SSC5D: variants seen among roughly 807,000 people sequenced by gnomAD.
SSC5D encodes the protein scavenger receptor cysteine rich family member with 5 domains, also known as soluble scavenger receptor cysteine-rich domain-containing protein SSC5D.
Under a neutral mutation model 104.6 loss-of-function variants are expected in SSC5D, and 106 were observed. The observed-to-expected ratio is 1.01, with a 90% CI of 0.87 to 1.19. The LOEUF is 1.19. Among genes scored for constraint, SSC5D ranks in the 50% most tolerant of loss-of-function variants. SSC5D has a pLI of 0.00. For synonymous variants in SSC5D, 860 were observed against 883.5 expected (o/e 0.97, Z 0.47); for missense variants, 1,993 against 2,153.8 (o/e 0.93, Z 1.48).
chr19:55,504,270 CCCGTAG>C, intron 12 of SSC5D: 1 of 1,503,680 alleles, frequency 6.7e-7, no homozygotes, highest in African/African-American at 1.4e-5. Context: ...CGGGACCCCT[CCCGTAG>C]GGTAGGGAGG....
intron 12 of SSC5D, 115 bp from the exon 13 acceptor site, chr19:55,512,896 G>A (rs1449045390): frequency 7.9e-6 from 10 of 1,270,380 alleles, no homozygotes; most frequent in East Asian, 5.1e-5. Context: ...CTGCAGTGGC[G>A]GTGCAGTTGA....
In SSC5D at chr19:55,500,426, A is replaced by G; in HGVS notation, c.2302+14A>G. ...CTGGGGAATCAGGTGAGTGGCCGTG[A>G]GGGGTGTGGGGAGAGAATGGGAGAG... is the stretch of plus-strand genomic sequence containing the variant. On this transcript the variant is annotated intron_variant, in intron 10 of 13. Transcript: ENST00000389623. The surrounding 1 kb of genome is among the most constrained non-coding windows in gnomAD (Gnocchi z 4.6). The G allele has an allele frequency of 6.5e-7, 1 of 1,549,442 alleles. No individual in the cohort carries two copies.
chr19:55,517,736 A>G lies in SSC5D; in HGVS notation c.3460A>G (p.Thr1154Ala). 1 of 1,539,316 alleles carries G rather than the reference A, an allele frequency of 6.5e-7. No individual in the cohort carries two copies. Among genetic ancestry groups the G allele is most frequent in the Non-Finnish European group, 8.7e-7 (1 of 1,143,324 alleles). The change falls in exon 14 of 14, where the codon ACC becomes GCC. Residue 1154 changes from threonine to alanine, a missense_variant. This residue lies in a region of SSC5D where 30 missense variants were observed against 52.4 expected (regional missense o/e 0.57). Transcript: ENST00000389623. ...CTCCCCAAGCCCTCACCCCACTACT[A>G]CCCCTGATCCCACCATGGCCCCTGA... ...DPSPSPHPTT[T>A]PDPTMAPDPI...
At chr19:55,513,523 T>C (rs572098272) in intron 13 of SSC5D, among the ~76,000 whole-genome samples, 113 of 152,232 alleles carry the variant, frequency 7.4e-4, no homozygotes, top group African/African-American at 2.7e-3. Context: ...GAGGCTGTGG[T>C]TGTGCCACTG....
In SSC5D at chr19:55,500,518, G is replaced by A; in HGVS notation, c.2331G>A (p.Gly777=). ...SGLFRVRLAD[G]PNRCAGRLEV... ...TGTTCCGGGTTCGTCTGGCCGATGG[G>A]CCCAACCGCTGTGCTGGCCGGCTGG... is the stretch of plus-strand genomic sequence containing the variant. Residue 777 remains glycine, a synonymous_variant, in exon 11 of 14, where the codon GGG becomes GGA. Transcript: ENST00000389623. This position sits in a 1 kb window ranked among gnomAD's most constrained non-coding sequence, Gnocchi z 4.6. The A allele has an allele frequency of 1.3e-6, 2 of 1,551,690 alleles. No individual in the cohort carries two copies. Among genetic ancestry groups the A allele is most frequent in the East Asian group, 2.4e-5 (1 of 40,926 alleles).
At chr19:55,499,330 T>C (rs965443173) in intron 9 of SSC5D, among the ~76,000 whole-genome samples, 1 of 152,202 alleles carries the variant, frequency 6.6e-6, no homozygotes, top group African/African-American at 2.4e-5. Context: ...AGGCATCACC[T>C]CTGCTGGAAG....
At chr19:55,514,972 A>G (rs1335830140) in intron 13 of SSC5D, among the ~76,000 whole-genome samples, 1 of 152,178 alleles carries the variant, frequency 6.6e-6, no homozygotes, top group Non-Finnish European at 1.5e-5. Flanking sequence ...GCCTGCCTTG[A>G]GCACAAGCCC....
intron 2 of SSC5D, 59 bp downstream of exon 2, chr19:55,489,091 C>G (rs1330001804): frequency 5.0e-6 from 5 of 1,008,674 alleles, no homozygotes; most frequent in Non-Finnish European, 6.8e-6. Flanking sequence ...CCCCTTCTGC[C>G]CATCCAGGCC....
chr19:55,502,860 G>A (rs548351489), intron 12 of SSC5D, among the ~76,000 whole-genome samples: 1 of 152,134 alleles, frequency 6.6e-6, no homozygotes, highest in African/African-American at 2.4e-5. Flanking sequence ...GTGTTGCCCA[G>A]GCTGGAGTGC....
In SSC5D at chr19:55,493,764, G is replaced by C. The variant is rs545414395; in HGVS notation, c.1065G>C (p.Gly355=). ...LGCGGALAAP[G]GAFFGEGSGP... ...GCGGAGGGGCGCTGGCCGCCCCCGG[G>C]GGCGCCTTCTTTGGGGAGGGGTCTG... The change falls in exon 7 of 14, where the codon GGG becomes GGC. Residue 355 remains glycine (G), a synonymous_variant. Coordinates refer to ENST00000389623, the MANE Select transcript of SSC5D (RefSeq NM_001144950.2). The C allele has an allele frequency of 6.5e-7, 1 of 1,530,994 alleles. No individual in the cohort carries two copies. Among genetic ancestry groups the C allele is most frequent in the African/African-American group, 1.4e-5 (1 of 71,826 alleles). The allele number at this position is 1,530,994 out of a possible 1,614,324, so 94.8% of individuals were successfully genotyped here.
In SSC5D at chr19:55,490,821, G is replaced by A. The variant is rs376228247; in HGVS notation, c.636G>A (p.Glu212=). Residue 212 remains glutamate, a synonymous_variant, in exon 6 of 14, where the codon GAG becomes GAA. Coordinates refer to ENST00000389623, the MANE Select transcript of SSC5D (RefSeq NM_001144950.2). ...SGPHRCAGRL[E]VWHGGRWGTV... Reference sequence around the variant, plus strand: ...CCCACAGGTGCGCCGGACGCCTGGAGGTCTGGCACGGCGGGCGCTGGGGCA... The same window carrying A: ...CCCACAGGTGCGCCGGACGCCTGGAAGTCTGGCACGGCGGGCGCTGGGGCA... 3 of 1,547,086 alleles carry A rather than the reference G, an allele frequency of 1.9e-6. No individual in the cohort carries two copies. The highest frequency in any genetic ancestry group is 2.4e-5 in the East Asian group (1 of 40,876).
chr19:55,514,404 CAA>C (rs1987822164), intron 13 of SSC5D, among the ~76,000 whole-genome samples: 1 of 106,130 alleles, frequency 9.4e-6, no homozygotes, highest in Non-Finnish European at 1.9e-5. Flanking sequence ...GACTCTGTCT[CAA>C]AATAATAATA....
rs756221528 is a variant in SSC5D at position 55,488,585 on chromosome 19, C to CA, written c.-3dup. 90 of 1,550,294 alleles carry CA rather than the reference C, an allele frequency of 5.8e-5. 1 individual carries two copies. The South Asian group carries it at 1.0e-3, about 18-fold the overall frequency. On this transcript the variant is annotated 5_prime_UTR_variant, in exon 1 of 14. Coordinates refer to ENST00000389623, the MANE Select transcript of SSC5D (RefSeq NM_001144950.2). ...TTCACCCCATCCCCTGCCCTGGCTG[C>CA]AACCATGAGGGTCTTGGCCTGCCTC...
Position 55,491,014 on chromosome 19 carries a change from T to C in SSC5D, c.829T>C (p.Cys277Arg), listed in dbSNP as rs1599911971. 2 of 1,550,000 alleles carry C rather than the reference T, an allele frequency of 1.3e-6. No individual in the cohort carries two copies. The highest frequency in any genetic ancestry group is 4.9e-5 in the East Asian group (2 of 40,888). Reference protein sequence around the residue: ...CGGGEQALRDCPRSPWGRSNC... With the variant: ...CGGGEQALRDRPRSPWGRSNC... ...AGGAGGAGAACAGGCCCTCCGAGAC[T>C]GCCCCCGAAGCCCCTGGGGCCGGAG... Residue 277 changes from cysteine (C) to arginine (R), a missense_variant, in exon 6 of 14, where the codon TGC (cysteine) becomes CGC (arginine). Cys to Arg is a radical substitution (Grantham distance 180, BLOSUM62 -3). Coordinates refer to ENST00000389623, the MANE Select transcript of SSC5D (RefSeq NM_001144950.2).
At chr19:55,517,144 C>A in intron 13 of SSC5D, 80 bp from the exon 14 acceptor site, 2 of 1,334,250 alleles carry the variant, frequency 1.5e-6, no homozygotes, top group Non-Finnish European at 2.0e-6. Context: ...TTGGTCGGCT[C>A]CTCGAGGGGC....
In SSC5D at chr19:55,503,777, C is replaced by T. The variant is rs569595044; in HGVS notation, c.2785+2576C>T. ...GCCCTCCTGAGAGGCCCAAGCCTCCCGCTCCCGCAGGAGAGTCTCGCCGCA... is the reference window on the plus strand; with the variant it reads ...GCCCTCCTGAGAGGCCCAAGCCTCCTGCTCCCGCAGGAGAGTCTCGCCGCA... On this transcript the variant is annotated intron_variant, in intron 12 of 13. Transcript: ENST00000389623. This position sits in a 1 kb window ranked among gnomAD's most constrained non-coding sequence, Gnocchi z 4.0. 6.6e-6 allele frequency among the ~76,000 whole-genome samples: 1 copy of T among 152,204 alleles called. No homozygotes were observed. The highest frequency in any genetic ancestry group is 1.5e-5 in the Non-Finnish European group (1 of 68,028).
Position 55,488,991 on chromosome 19 carries a change from C to T in SSC5D, c.26-15C>T, listed in dbSNP as rs573678022. 86 of 1,391,702 alleles carry T rather than the reference C, an allele frequency of 6.2e-5. 2 individuals are homozygous for T. Among genetic ancestry groups the T allele is most frequent in the Middle Eastern group, 4.7e-4 (2 of 4,292 alleles). The allele number at this position is 1,391,702 out of a possible 1,614,324, so 86.2% of individuals were successfully genotyped here. On this transcript the variant is annotated splice_polypyrimidine_tract_variant and intron_variant, in intron 1 of 13. Transcript: ENST00000389623. ...CTGCCCCTCACACTGCCCCACCCTC[C>T]GCCCTCCCTTCCAGCGGCCCTGGTG...
chr19:55,497,333 A>G (rs1180807610), intron 8 of SSC5D, among the ~76,000 whole-genome samples: 1 of 152,250 alleles, frequency 6.6e-6, no homozygotes, highest in Non-Finnish European at 1.5e-5. Flanking sequence ...AATAAAATCT[A>G]AGAAAGAAGA....
chr19:55,517,149 A>AG, intron 13 of SSC5D, 75 bp from the exon 14 acceptor site: 1 of 1,367,248 alleles, frequency 7.3e-7, no homozygotes, highest in Non-Finnish European at 9.8e-7. Flanking sequence ...CGGCTCCTCG[A>AG]GGGGCGGGGC....
Sources: allele counts gnomAD v4.1 joint callset (sites outside exome capture counted in the v4.1 genomes callset), GRCh38; gene constraint gnomAD v4.1.1; regional missense constraint gnomAD v4.1.1; non-coding constraint Gnocchi (gnomAD v3.1); transcripts MANE v1.5; gene names NCBI Gene and HGNC (gene_info 2026-07-23, HGNC 2026-07-21).